The following TLL2 variants were observed in gnomAD, a reference collection of about 807,000 sequenced individuals.
The protein encoded by TLL2 is tolloid like 2, also known as tolloid-like protein 2.
In TLL2, 106 loss-of-function variants were observed where a neutral mutation model predicts 123.0. That is an observed-to-expected ratio of 0.86 (90% confidence interval 0.74 to 1.01). The LOEUF (loss-of-function observed/expected upper bound fraction) is 1.01. TLL2 is among the 50% of genes least tolerant of loss of function. TLL2 has a pLI of 0.00. For synonymous variants in TLL2, 494 were observed against 516.8 expected (o/e 0.96, Z 0.60); for missense variants, 1,332 against 1,336.7 (o/e 1.00, Z 0.06).
In TLL2 at chr10:96,424,887, C is replaced by T. The variant is rs540370354; in HGVS notation, c.639-2160G>A. ...TTCAAGATTATAAATAAAATCTACTCTTGTTTCCTTCCTATACTCTTCGAT... is the reference window on the plus strand; with the variant it reads ...TTCAAGATTATAAATAAAATCTACTTTTGTTTCCTTCCTATACTCTTCGAT... On this transcript the variant is annotated intron_variant, in intron 5 of 20. Coordinates refer to ENST00000357947, the MANE Select transcript of TLL2 (RefSeq NM_012465.4). 1.6e-3 allele frequency among the ~76,000 whole-genome samples: 236 copies of T among 152,030 alleles called. 1 individual carries two copies. Among genetic ancestry groups the T allele is most frequent in the African/African-American group, 5.6e-3 (231 of 41,522 alleles).
chr10:96,492,166 C>T (rs112100791), intron 1 of TLL2, among the ~76,000 whole-genome samples: 5 of 151,868 alleles, frequency 3.3e-5, no homozygotes, highest in African/African-American at 1.2e-4. Context: ...TACCACAATC[C>T]GTCCTCTCAC....
At chr10:96,404,651 T>A (rs528467049) in intron 10 of TLL2, among the ~76,000 whole-genome samples, 2 of 152,310 alleles carry the variant, frequency 1.3e-5, no homozygotes, top group South Asian at 4.1e-4. Flanking sequence ...CTTATTTTAT[T>A]ACACAAATCC....
At chr10:96,370,349 A>G in intron 19 of TLL2, 34 bp from the exon 20 acceptor site, 1 of 1,523,240 alleles carries the variant, frequency 6.6e-7, no homozygotes, top group Non-Finnish European at 8.8e-7. Flanking sequence ...TCCCCTCAGC[A>G]CAAGACACCC....
At position 96,421,595 on chromosome 10, in the gene TLL2, C is replaced by T. The variant is rs1305308002; in HGVS notation, c.818-534G>A. ...AGGAGAATGGTGTGAACCCGGGAGA[C>T]GGAGCTTGCAGTGAGCCAAGATCGC... On this transcript the variant is annotated intron_variant, in intron 6 of 20. Transcript: ENST00000357947. 5.3e-5 allele frequency among the ~76,000 whole-genome samples: 8 copies of T among 151,302 alleles called. No individual in the cohort carries two copies. In the South Asian group the frequency reaches 1.0e-3, roughly 20 times the overall value.
chr10:96,451,515 T>G (rs554107623), intron 2 of TLL2, among the ~76,000 whole-genome samples: 1 of 152,226 alleles, frequency 6.6e-6, no homozygotes. Flanking sequence ...TATTCATTAA[T>G]ATCATTCATA....
At chr10:96,378,194 C>T (rs1846154650) in intron 17 of TLL2, among the ~76,000 whole-genome samples, 1 of 152,266 alleles carries the variant, frequency 6.6e-6, no homozygotes, top group Admixed American at 6.5e-5. Context: ...TCTCCTAAAT[C>T]CAGACTGTTT....
intron 3 of TLL2, among the ~76,000 whole-genome samples, chr10:96,436,839 C>T (rs1388424320): frequency 6.6e-6 from 1 of 152,056 alleles, no homozygotes; most frequent in African/African-American, 2.4e-5. Flanking sequence ...GCATATGCCA[C>T]CACCCCCGGC....
At chr10:96,401,754 T>C (rs556118800) in intron 10 of TLL2, among the ~76,000 whole-genome samples, 3 of 152,350 alleles carry the variant, frequency 2.0e-5, no homozygotes, top group Non-Finnish European at 1.5e-5. Flanking sequence ...CTCAGGAACG[T>C]GCCTTGGCCC....
chr10:96,489,794 C>A (rs1037477320), intron 1 of TLL2, among the ~76,000 whole-genome samples: 33 of 152,124 alleles, frequency 2.2e-4, no homozygotes, highest in African/African-American at 7.0e-4. Flanking sequence ...TGTAAAAATT[C>A]TATTCAAAAT....
chr10:96,492,683 A>G (rs1847426112), intron 1 of TLL2, among the ~76,000 whole-genome samples: 1 of 152,174 alleles, frequency 6.6e-6, no homozygotes, highest in South Asian at 2.1e-4. Context: ...CCACATTCTA[A>G]AAGTTACTAA....
At chr10:96,505,095 T>C (rs1423815797) in intron 1 of TLL2, among the ~76,000 whole-genome samples, 1 of 152,270 alleles carries the variant, frequency 6.6e-6, no homozygotes, top group Non-Finnish European at 1.5e-5. Flanking sequence ...AGAGGCTTAA[T>C]TGACTCGCAG....
intron 10 of TLL2, among the ~76,000 whole-genome samples, chr10:96,399,243 T>C (rs534808551): frequency 1.3e-5 from 2 of 152,358 alleles, no homozygotes; most frequent in East Asian, 3.9e-4. Context: ...ACTGGTATAC[T>C]TTAAATGGTG....
At chr10:96,489,208 C>T (rs534705829) in intron 1 of TLL2, among the ~76,000 whole-genome samples, 41 of 152,290 alleles carry the variant, frequency 2.7e-4, no homozygotes, top group African/African-American at 9.4e-4. Flanking sequence ...AGCAGCTGCT[C>T]TCCTAGATAA....
intron 13 of TLL2, among the ~76,000 whole-genome samples, chr10:96,393,370 C>T (rs192134647): frequency 5.3e-4 from 80 of 152,328 alleles, no homozygotes; most frequent in African/African-American, 1.9e-3. Flanking sequence ...AGACAATGAA[C>T]GGGACTAAAC....
At chr10:96,380,149 T>C (rs1351170817) in intron 16 of TLL2, among the ~76,000 whole-genome samples, 1 of 152,216 alleles carries the variant, frequency 6.6e-6, no homozygotes, top group Non-Finnish European at 1.5e-5. Context: ...CAGCCCACAG[T>C]GTTAGCTGTA....
At chr10:96,505,339 G>T (rs1222581502) in intron 1 of TLL2, among the ~76,000 whole-genome samples, 1 of 152,212 alleles carries the variant, frequency 6.6e-6, no homozygotes, top group Non-Finnish European at 1.5e-5. Flanking sequence ...GACACGTGGG[G>T]ATTACAATTC....
At chr10:96,501,125 T>C (rs1847529843) in intron 1 of TLL2, among the ~76,000 whole-genome samples, 1 of 152,188 alleles carries the variant, frequency 6.6e-6, no homozygotes. Context: ...GGCAATGGGA[T>C]TACTGGACAT....
chr10:96,385,671 C>T (rs1288652465), intron 15 of TLL2, among the ~76,000 whole-genome samples: 6 of 152,242 alleles, frequency 3.9e-5, no homozygotes, highest in Non-Finnish European at 5.9e-5. Flanking sequence ...GATCACTGCC[C>T]GAAAGAGGAA....
At chr10:96,423,343 C>T (rs1043475200) in intron 5 of TLL2, among the ~76,000 whole-genome samples, 4 of 152,106 alleles carry the variant, frequency 2.6e-5, no homozygotes, top group African/African-American at 9.7e-5. Flanking sequence ...CTGCAAGGTG[C>T]TGGAGTCCCT....
Sources: allele counts gnomAD v4.1 joint callset (sites outside exome capture counted in the v4.1 genomes callset), GRCh38; gene constraint gnomAD v4.1.1; transcripts MANE v1.5; gene names NCBI Gene and HGNC (gene_info 2026-07-23, HGNC 2026-07-21).